The following SLAMF7 variants were observed in gnomAD, a reference collection of about 807,000 sequenced individuals.
The protein encoded by SLAMF7 is SLAM family member 7, also known as 19A24 protein.
In SLAMF7, 26 loss-of-function variants were observed where a neutral mutation model predicts 34.1. The ratio of observed to expected loss-of-function variants is 0.76; its 90% CI spans 0.56 to 1.06. SLAMF7 has a LOEUF of 1.06. Among genes scored for constraint, SLAMF7 ranks in the 50% least tolerant of loss-of-function variants. The pLI is 0.00. For missense variants in SLAMF7, 399 were observed against 402.5 expected (o/e 0.99, Z 0.07); for synonymous variants, 171 against 156.4 (o/e 1.09, Z -0.70).
chr1:160,751,945 C>G (rs1664667991), intron 5 of SLAMF7: 1 of 269,602 alleles, frequency 3.7e-6, no homozygotes. Context: ...CATTTTAACA[C>G]AGTACAGTTT....
rs1664784278 is a variant in SLAMF7, at chr1:160,753,247, A to G, written c.*70A>G. ...TCTCGGCCCAAAGAAAACAATCAGA[A>G]GAATTCACTGATTTGACTAGAAACA... On this transcript the variant is annotated 3_prime_UTR_variant, in exon 7 of 7. Transcript: ENST00000368043. 1.5e-6 allele frequency: 2 copies of G among 1,311,322 alleles called. No individual in the cohort carries two copies. Among genetic ancestry groups the G allele is most frequent in the Admixed American group, 3.6e-5 (2 of 55,814 alleles). 81.2% of individuals were successfully genotyped at this position (1,311,322 alleles called of 1,614,324 possible). A position where few individuals can be genotyped will look rare whatever the true frequency, so the allele number is the denominator to read the frequency against.
chr1:160,741,505 G>A (rs184730029), intron 1 of SLAMF7, among the ~76,000 whole-genome samples: 21 of 152,264 alleles, frequency 1.4e-4, no homozygotes, highest in Admixed American at 4.6e-4. Flanking sequence ...GAGTACATTC[G>A]TTAAGGGGGA....
chr1:160,740,459 C>G (rs2101649897), intron 1 of SLAMF7, among the ~76,000 whole-genome samples: 1 of 152,218 alleles, frequency 6.6e-6, no homozygotes, highest in African/African-American at 2.4e-5. Flanking sequence ...TGCAGGTCCC[C>G]CTCTGCCCTC....
Position 160,754,039 on chromosome 1 carries a change from T to G in SLAMF7, c.*862T>G, listed in dbSNP as rs1399275718. ...CCCAATAAAGAGACCGAGTCTGAAG[T>G]CACATTGTAAATCTAGTGTAGGAGA... On this transcript the variant is annotated 3_prime_UTR_variant, in exon 7 of 7. Coordinates refer to ENST00000368043, the MANE Select transcript of SLAMF7 (RefSeq NM_021181.5). 1 of 152,562 alleles carries G rather than the reference T, an allele frequency of 6.6e-6. No homozygotes were observed. The highest frequency in any genetic ancestry group is 1.5e-5 in the Non-Finnish European group (1 of 68,126). 9.5% of individuals were successfully genotyped at this position (152,562 alleles called of 1,614,324 possible). A position where few individuals can be genotyped will look rare whatever the true frequency, so the allele number is the denominator to read the frequency against.
At chr1:160,739,820 A>G (rs2101647761) in intron 1 of SLAMF7, 1 of 155,128 alleles carries the variant, frequency 6.4e-6, no homozygotes, top group Non-Finnish European at 1.4e-5. Context: ...AAATGGAAAG[A>G]ATCACTTGAA....
chr1:160,740,048 A>G (rs1663605367), intron 1 of SLAMF7, among the ~76,000 whole-genome samples: 2 of 152,100 alleles, frequency 1.3e-5, no homozygotes, highest in Non-Finnish European at 2.9e-5. Flanking sequence ...CTCATGGAGT[A>G]CTACCATGAG....
rs369072873 is a variant in SLAMF7 at position 160,752,265 on chromosome 1, C to A, written c.936+17C>A. 6.2e-7 allele frequency: 1 copy of A among 1,604,278 alleles called. No homozygotes were observed. On this transcript the variant is annotated intron_variant, in intron 6 of 6. Transcript: ENST00000368043. ...CCGAAAAAGGTAAGAAGCTTTAGAG[C>A]TTAACTTCATCTTAATGGTTCCATT... is the stretch of plus-strand genomic sequence containing the variant.
chr1:160,739,283 CTG>C lies in SLAMF7; in HGVS notation c.-18_-17del. On this transcript the variant is annotated 5_prime_UTR_variant, in exon 1 of 7. Transcript: ENST00000368043. ...GAGGGAAGTGGCTTCATTTCAGTGG[CTG>C]ACTTCCAGAGAGCAATATGGCTGGT... is the stretch of plus-strand genomic sequence containing the variant. 1 of 1,613,312 alleles carries C rather than the reference CTG, an allele frequency of 6.2e-7. No homozygotes were observed. The highest frequency in any genetic ancestry group is 1.1e-5 in the South Asian group (1 of 91,070).
intron 5 of SLAMF7, 81 bp from the exon 6 acceptor site, chr1:160,752,105 T>C: frequency 1.7e-6 from 2 of 1,165,046 alleles, no homozygotes; most frequent in Non-Finnish European, 2.5e-6. Flanking sequence ...CCTCTCTGGA[T>C]TCTGAATGTC....
chr1:160,750,332 G>A lies in SLAMF7; in HGVS notation c.678G>A (p.Met226Ile), dbSNP rs544589924. ...EGAADDPDSS[M>I]VLLCLLLVPL... is the part of the protein sequence containing the mutation. The stretch of plus-strand genomic sequence containing the variant: ...CTGCTGATGACCCAGATTCCTCCAT[G>A]GTCCTCCTGTGTCTCCTGTTGGTGC... The change falls in exon 4 of 7, where the codon ATG (methionine) becomes ATA (isoleucine). Residue 226 changes from methionine to isoleucine, a missense_variant. Physicochemically the swap from Met to Ile is conservative, Grantham distance 10. Transcript: ENST00000368043. 5.0e-6 allele frequency: 8 copies of A among 1,614,072 alleles called. No individual in the cohort carries two copies. The African/African-American group carries it at 5.3e-5, about 11-fold the overall frequency.
chr1:160,749,846 C>A lies in SLAMF7; in HGVS notation c.402C>A (p.Thr134=). 6.2e-7 allele frequency: 1 copy of A among 1,607,422 alleles called. No homozygotes were observed. Among genetic ancestry groups the A allele is most frequent in the Non-Finnish European group, 8.5e-7 (1 of 1,176,254 alleles). The stretch of plus-strand genomic sequence containing the variant: ...AGCACCTGTCAAAGCCTAAAGTCAC[C>A]ATGGGTCTGCAGAGCAATAAGAATG... The part of the protein sequence containing the change: ...VYEHLSKPKV[T]MGLQSNKNGT... Residue 134 remains threonine (T), a synonymous_variant, in exon 3 of 7, where the codon ACC becomes ACA. Transcript: ENST00000368043.
chr1:160,748,815 A>T (rs1664332321), intron 2 of SLAMF7, among the ~76,000 whole-genome samples: 1 of 152,198 alleles, frequency 6.6e-6, no homozygotes, highest in Non-Finnish European at 1.5e-5. Context: ...AATTTCTTCA[A>T]GTCTTAGTTT....
chr1:160,753,234 G>A lies in SLAMF7; in HGVS notation c.*57G>A, dbSNP rs1053811744. The A allele has an allele frequency of 7.0e-6, 10 of 1,437,524 alleles. No homozygotes were observed. Among genetic ancestry groups the A allele is most frequent in the Non-Finnish European group, 9.7e-6 (10 of 1,033,628 alleles). 89.0% of individuals were successfully genotyped at this position (1,437,524 alleles called of 1,614,324 possible). A position where few individuals can be genotyped will look rare whatever the true frequency, so the allele number is the denominator to read the frequency against. ...AAAAAAAAACAATTCTCGGCCCAAA[G>A]AAAACAATCAGAAGAATTCACTGAT... On this transcript the variant is annotated 3_prime_UTR_variant, in exon 7 of 7. Coordinates refer to ENST00000368043, the MANE Select transcript of SLAMF7 (RefSeq NM_021181.5).
chr1:160,741,493 G>A lies in SLAMF7; in HGVS notation c.55+2137G>A, dbSNP rs146810736. Among the ~76,000 whole-genome samples the A allele has an allele frequency of 9.1e-4, 138 of 152,236 alleles. 1 individual carries two copies. The highest frequency in any genetic ancestry group is 3.4e-3 in the Middle Eastern group (1 of 294). On this transcript the variant is annotated intron_variant, in intron 1 of 6. Coordinates refer to ENST00000368043, the MANE Select transcript of SLAMF7 (RefSeq NM_021181.5). ...TGGCATTGAATTACACTGCTCTTTC[G>A]TGAGTACATTCGTTAAGGGGGACTT...
rs370657629 is a variant in SLAMF7, at chr1:160,739,364, C to T, written c.55+8C>T. On this transcript the variant is annotated splice_region_variant and intron_variant, in intron 1 of 6. Transcript: ENST00000368043. ...TCCTTTGGCAGCTCACAGGTGAGTC[C>T]GGCCGGATTCTCTTCCACTCTCCTG... 1.8e-5 allele frequency: 29 copies of T among 1,611,148 alleles called. No individual in the cohort carries two copies. Among genetic ancestry groups the T allele is most frequent in the African/African-American group, 1.2e-4 (9 of 74,956 alleles).
intron 1 of SLAMF7, among the ~76,000 whole-genome samples, chr1:160,747,595 A>G (rs945026518): frequency 2.6e-5 from 4 of 151,980 alleles, no homozygotes; most frequent in African/African-American, 9.7e-5. Context: ...AAAGACAATC[A>G]CTCTGAGGCA....
chr1:160,753,299 T>G lies in SLAMF7; in HGVS notation c.*122T>G, dbSNP rs1664787251. The stretch of plus-strand genomic sequence containing the variant: ...CAAGGAAGAATGAAGAACGTTGACT[T>G]TTTTCCAGGATAAATTATCTCTGAT... On this transcript the variant is annotated 3_prime_UTR_variant, in exon 7 of 7. Coordinates refer to ENST00000368043, the MANE Select transcript of SLAMF7 (RefSeq NM_021181.5). 1.4e-5 allele frequency: 11 copies of G among 802,580 alleles called. No individual in the cohort carries two copies. The highest frequency in any genetic ancestry group is 2.0e-5 in the Non-Finnish European group (10 of 502,896). The allele number at this position is 802,580 out of a possible 1,614,324, so 49.7% of individuals were successfully genotyped here.
rs543279559 is a variant in SLAMF7, at chr1:160,746,023, T to TA, written c.56-2170dup. ...TCCTTTTACTAGAAAAGGCATGAGT[T>TA]ACATCAGTACTGGAGTAGAAGAAAA... On this transcript the variant is annotated intron_variant, in intron 1 of 6. Coordinates refer to ENST00000368043, the MANE Select transcript of SLAMF7 (RefSeq NM_021181.5). 1.7e-3 allele frequency among the ~76,000 whole-genome samples: 259 copies of TA among 152,312 alleles called. 1 individual carries two copies. Among genetic ancestry groups the TA allele is most frequent in the African/African-American group, 5.9e-3 (245 of 41,564 alleles).
chr1:160,754,641 T>C lies in SLAMF7; in HGVS notation c.*1464T>C, dbSNP rs1247934392. 3 of 152,314 alleles carry C rather than the reference T, an allele frequency of 2.0e-5. No individual in the cohort carries two copies. Among genetic ancestry groups the C allele is most frequent in the Non-Finnish European group, 4.4e-5 (3 of 68,036 alleles). The allele number at this position is 152,314 out of a possible 1,614,324, so 9.4% of individuals were successfully genotyped here. On this transcript the variant is annotated 3_prime_UTR_variant, in exon 7 of 7. Coordinates refer to ENST00000368043, the MANE Select transcript of SLAMF7 (RefSeq NM_021181.5). ...ACCTCCCTACCAAGTGATGAAAGTG[T>C]TGAAAAACTTAATAACAAATGCTTG...
Sources: gnomAD v4.1 joint callset for allele counts (sites outside exome capture counted in the v4.1 genomes callset) on GRCh38, gnomAD v4.1.1 for gene constraint, MANE v1.5 for transcripts, NCBI Gene and HGNC (gene_info 2026-07-23, HGNC 2026-07-21) for gene names.